SORCS1: variants seen among roughly 807,000 people sequenced by gnomAD.
The protein encoded by SORCS1 is VPS10 domain-containing receptor SorCS1.
In SORCS1, 60 loss-of-function variants were observed where a neutral mutation model predicts 146.1. The ratio of observed to expected loss-of-function variants is 0.41; its 90% confidence interval spans 0.33 to 0.51. The LOEUF (loss-of-function observed/expected upper bound fraction) is 0.51, where lower values mean the gene tolerates loss of function less well. Ranked by LOEUF, SORCS1 falls within the 20% of genes least tolerant of loss-of-function variation. The pLI is 0.21. For missense variants in SORCS1, 1,352 were observed against 1,487.6 expected (o/e 0.91, Z 1.50); for synonymous variants, 637 against 584.0 (o/e 1.09, Z -1.31).
chr10:106,926,930 A>C (rs1953072456), intron 2 of SORCS1, among the ~76,000 whole-genome samples: 1 of 151,608 alleles, frequency 6.6e-6, no homozygotes, highest in Non-Finnish European at 1.5e-5. Flanking sequence ...TTGTAGTATG[A>C]GTTTATCCAT....
intron 1 of SORCS1, among the ~76,000 whole-genome samples, chr10:107,088,245 G>A (rs1406144485): frequency 6.6e-6 from 1 of 151,994 alleles, no homozygotes; most frequent in Non-Finnish European, 1.5e-5. Context: ...CCTTTCCCCT[G>A]AATACTCTGC....
intron 3 of SORCS1, among the ~76,000 whole-genome samples, chr10:106,800,582 C>A (rs1388212806): frequency 7.2e-6 from 1 of 139,406 alleles, no homozygotes; most frequent in Admixed American, 7.9e-5. Context: ...AGTGTAGTGG[C>A]GCGATCTCGG....
intron 5 of SORCS1, among the ~76,000 whole-genome samples, chr10:106,745,006 A>C (rs1424404262): frequency 1.3e-5 from 2 of 152,220 alleles, no homozygotes; most frequent in African/African-American, 4.8e-5. Context: ...AAAAAGACCA[A>C]CAAAAAGTTT....
intron 2 of SORCS1, among the ~76,000 whole-genome samples, chr10:106,919,027 G>A (rs1276617814): frequency 1.3e-5 from 2 of 152,054 alleles, no homozygotes; most frequent in Non-Finnish European, 2.9e-5. Context: ...CTGTAGAGAT[G>A]GAGTTTGCCA....
intron 3 of SORCS1, among the ~76,000 whole-genome samples, chr10:106,784,024 T>A (rs951467614): frequency 6.6e-6 from 1 of 152,180 alleles, no homozygotes; most frequent in Non-Finnish European, 1.5e-5. Flanking sequence ...GAAATTGCTA[T>A]TATTAATATC....
At chr10:106,756,123 T>G (rs1858618657) in intron 5 of SORCS1, among the ~76,000 whole-genome samples, 1 of 142,814 alleles carries the variant, frequency 7.0e-6, no homozygotes, top group African/African-American at 2.5e-5. Flanking sequence ...AGCAAGACAA[T>G]GTCTCAAAAA....
chr10:106,879,400 AT>A (rs1214063793), intron 2 of SORCS1, among the ~76,000 whole-genome samples: 1 of 152,192 alleles, frequency 6.6e-6, no homozygotes, highest in Non-Finnish European at 1.5e-5. Flanking sequence ...TCTACATTGT[AT>A]TACAGTTAGG....
At chr10:106,936,185 G>C (rs902087998) in intron 2 of SORCS1, among the ~76,000 whole-genome samples, 1 of 152,086 alleles carries the variant, frequency 6.6e-6, no homozygotes, top group African/African-American at 2.4e-5. Context: ...GTTGTGCTTA[G>C]ACTTTGGGAC....
At chr10:106,944,938 T>C (rs1677934385) in intron 2 of SORCS1, among the ~76,000 whole-genome samples, 1 of 138,310 alleles carries the variant, frequency 7.2e-6, no homozygotes, top group Admixed American at 7.7e-5. Flanking sequence ...CAGGCTGACA[T>C]GCAGTGATGT....
chr10:106,918,556 G>T (rs916697948), intron 2 of SORCS1, among the ~76,000 whole-genome samples: 5 of 152,068 alleles, frequency 3.3e-5, no homozygotes, highest in Admixed American at 3.3e-4. Context: ...TATGCATACT[G>T]AAGAGAGGGG....
rs1043288550 is a variant in SORCS1 at position 106,880,859 on chromosome 10, C to T, written c.627-51186G>A. ...ATCCCAGCACTTTGGGAGGCCGAGG[C>T]GGGCGGATCACAAGGTCAGGAGATG... On this transcript the variant is annotated intron_variant, in intron 2 of 25. Transcript: ENST00000263054. Among the ~76,000 whole-genome samples, 8 of 151,902 alleles carry T rather than the reference C, an allele frequency of 5.3e-5. 1 individual carries two copies. In the South Asian group the frequency reaches 1.0e-3, roughly 20 times the overall value.
At chr10:107,006,555 C>G (rs1319943442) in intron 1 of SORCS1, among the ~76,000 whole-genome samples, 1 of 152,192 alleles carries the variant, frequency 6.6e-6, no homozygotes, top group Non-Finnish European at 1.5e-5. Flanking sequence ...TGGTGGCTCA[C>G]GCCTGTAATC....
At chr10:106,614,037 C>T (rs1029607729) in intron 21 of SORCS1, among the ~76,000 whole-genome samples, 7 of 152,052 alleles carry the variant, frequency 4.6e-5, no homozygotes, top group African/African-American at 1.2e-4. Context: ...TCACACTCAG[C>T]GCTATTTAAA....
chr10:106,608,921 C>T (rs1420525218), intron 22 of SORCS1, among the ~76,000 whole-genome samples: 3 of 152,184 alleles, frequency 2.0e-5, no homozygotes, highest in Non-Finnish European at 4.4e-5. Flanking sequence ...TACATAACTG[C>T]ACCAGCCTGT....
intron 18 of SORCS1, among the ~76,000 whole-genome samples, chr10:106,638,439 A>C (rs1848859446): frequency 6.6e-6 from 1 of 152,202 alleles, no homozygotes; most frequent in Admixed American, 6.5e-5. Flanking sequence ...ACAGAAATAC[A>C]TAAAATAATG....
In SORCS1 at chr10:106,693,343, T is replaced by A. The variant is rs147051350; in HGVS notation, c.1414-5005A>T. ...TGCCTAAGGTCATCCCATTGGAGAATCTTAGATCTGGACTCCAAGTCAGTC... is the reference window on the plus strand; with the variant it reads ...TGCCTAAGGTCATCCCATTGGAGAAACTTAGATCTGGACTCCAAGTCAGTC... On this transcript the variant is annotated intron_variant, in intron 9 of 25. Coordinates refer to ENST00000263054, the MANE Select transcript of SORCS1 (RefSeq NM_052918.5). Among the ~76,000 whole-genome samples the A allele has an allele frequency of 2.3e-3, 355 of 152,310 alleles. 1 individual carries two copies. The highest frequency in any genetic ancestry group is 7.7e-3 in the African/African-American group (319 of 41,572).
At chr10:106,791,692 T>C (rs112412256) in intron 3 of SORCS1, among the ~76,000 whole-genome samples, 1,599 of 152,158 alleles carry the variant, frequency 0.011, 24 homozygotes, top group African/African-American at 0.036. Context: ...AGCAAGACAT[T>C]ATTTCGACAA....
intron 1 of SORCS1, among the ~76,000 whole-genome samples, chr10:107,129,861 T>C (rs1966849510): frequency 6.6e-6 from 1 of 152,224 alleles, no homozygotes; most frequent in Non-Finnish European, 1.5e-5. Flanking sequence ...AGACCATTGA[T>C]CATTTCCTTA....
chr10:106,803,807 C>T (rs1947031581), intron 3 of SORCS1, among the ~76,000 whole-genome samples: 1 of 152,184 alleles, frequency 6.6e-6, no homozygotes, highest in South Asian at 2.1e-4. Flanking sequence ...CATCTTCTCC[C>T]TGGCTCCCAA....
Sources: gnomAD v4.1 joint callset for allele counts (sites outside exome capture counted in the v4.1 genomes callset) on GRCh38, gnomAD v4.1.1 for gene constraint, MANE v1.5 for transcripts, NCBI Gene and HGNC (gene_info 2026-07-23, HGNC 2026-07-21) for gene names.